Variants in PON2 observed in about 807,000 individuals in gnomAD.
The protein encoded by PON2 is serum paraoxonase/arylesterase 2.
Under a neutral mutation model 36.6 loss-of-function variants are expected in PON2, and 27 were observed. That is an observed-to-expected ratio of 0.74 (90% CI 0.54 to 1.02). The LOEUF (loss-of-function observed/expected upper bound fraction) is 1.02, where lower values mean the gene tolerates loss of function less well. Among genes scored for constraint, PON2 ranks in the 50% least tolerant of loss-of-function variants. PON2 has a pLI of 0.00. For synonymous variants in PON2, 149 were observed against 156.3 expected (o/e 0.95, Z 0.35); for missense variants, 363 against 421.1 (o/e 0.86, Z 1.21).
chr7:95,432,419 A>G (rs1310896434), intron 1 of PON2, among the ~76,000 whole-genome samples: 1 of 152,218 alleles, frequency 6.6e-6, no homozygotes, highest in East Asian at 1.9e-4. Context: ...AAAATAAAAA[A>G]CAAAGAAAAA....
At chr7:95,418,949 C>T (rs1156754403) in intron 2 of PON2, among the ~76,000 whole-genome samples, 1 of 152,168 alleles carries the variant, frequency 6.6e-6, no homozygotes, top group Non-Finnish European at 1.5e-5. Flanking sequence ...TCTTGTTTCC[C>T]TTGCAGTCCT....
intron 2 of PON2, among the ~76,000 whole-genome samples, chr7:95,417,221 T>C (rs1417708264): frequency 6.6e-6 from 1 of 152,236 alleles, no homozygotes; most frequent in Non-Finnish European, 1.5e-5. Context: ...TCCAGCCATT[T>C]TGGTCTTGCT....
intron 6 of PON2, among the ~76,000 whole-genome samples, chr7:95,409,025 T>C (rs912834763): frequency 6.6e-6 from 1 of 152,070 alleles, no homozygotes. Context: ...TATAATACTC[T>C]CTTAGAGCCA....
intron 6 of PON2, among the ~76,000 whole-genome samples, chr7:95,408,046 A>G (rs1364975195): frequency 1.3e-5 from 2 of 152,210 alleles, no homozygotes; most frequent in Non-Finnish European, 2.9e-5. Context: ...CCTGTTAAAC[A>G]AAGTCCAACC....
intron 1 of PON2, among the ~76,000 whole-genome samples, chr7:95,427,820 A>G (rs1186786827): frequency 1.3e-5 from 2 of 152,238 alleles, no homozygotes; most frequent in Non-Finnish European, 2.9e-5. Flanking sequence ...TGTATTTAAG[A>G]AATACATATA....
At chr7:95,434,506 T>A (rs148049939) in intron 1 of PON2, among the ~76,000 whole-genome samples, 1 of 152,362 alleles carries the variant, frequency 6.6e-6, no homozygotes, top group African/African-American at 2.4e-5. Context: ...TAAATCTTCA[T>A]AGTTAAGGTT....
chr7:95,425,937 A>G (rs1383542818), intron 1 of PON2, among the ~76,000 whole-genome samples: 1 of 152,178 alleles, frequency 6.6e-6, no homozygotes, highest in Non-Finnish European at 1.5e-5. Flanking sequence ...AAGGCATTAA[A>G]AAATACAATA....
chr7:95,428,989 A>G (rs1472076409), intron 1 of PON2, among the ~76,000 whole-genome samples: 7 of 152,164 alleles, frequency 4.6e-5, no homozygotes, highest in Admixed American at 4.6e-4. Flanking sequence ...TCAGGTAAAT[A>G]GTAGAGCTAT....
At chr7:95,433,467 A>G (rs536937268) in intron 1 of PON2, among the ~76,000 whole-genome samples, 1 of 152,266 alleles carries the variant, frequency 6.6e-6, no homozygotes, top group African/African-American at 2.4e-5. Flanking sequence ...ATTCTAATGT[A>G]CAGAGAACCA....
At chr7:95,407,759 T>TAC (rs17876158) in intron 6 of PON2, among the ~76,000 whole-genome samples, 40,621 of 151,930 alleles carry the variant, frequency 0.27, 5,833 homozygotes, top group South Asian at 0.36. Context: ...CACTGGTTTG[T>TAC]ACACATTAAA....
chr7:95,433,481 C>T (rs730364), intron 1 of PON2, among the ~76,000 whole-genome samples: 9,064 of 152,176 alleles, frequency 0.06, 378 homozygotes, highest in East Asian at 0.19. Context: ...AGAACCATTG[C>T]TCTCCTCCAA....
At chr7:95,432,895 G>A (rs1052553339) in intron 1 of PON2, among the ~76,000 whole-genome samples, 11 of 152,244 alleles carry the variant, frequency 7.2e-5, no homozygotes, top group Non-Finnish European at 1.5e-4. Context: ...ACAAACTCTG[G>A]TAGCACCTTT....
At chr7:95,422,572 C>A (rs756224239) in intron 2 of PON2, among the ~76,000 whole-genome samples, 1 of 152,118 alleles carries the variant, frequency 6.6e-6, no homozygotes, top group South Asian at 2.1e-4. Context: ...AAATATTATG[C>A]ATAATTTGAC....
chr7:95,412,817 T>C (rs1193950584), intron 3 of PON2: 3 of 364,458 alleles, frequency 8.2e-6, no homozygotes, highest in Middle Eastern at 8.9e-4. Flanking sequence ...TCCCAGTGCC[T>C]GGAACAGTGC....
chr7:95,409,727 T>A (rs939406457), intron 6 of PON2, 174 bp downstream of exon 6: 4 of 206,150 alleles, frequency 1.9e-5, no homozygotes, highest in Admixed American at 1.2e-4. Flanking sequence ...TAAGTATATG[T>A]AAATATATAT....
chr7:95,417,692 C>CATACACATGTACACACAG (rs1789098046), intron 2 of PON2, among the ~76,000 whole-genome samples: 3 of 116,236 alleles, frequency 2.6e-5, no homozygotes, highest in South Asian at 2.9e-4. Flanking sequence ...TACACACAGA[C>CATACACATGTACACACAG]ACACACACAC....
At chr7:95,417,926 T>C (rs1212273754) in intron 2 of PON2, among the ~76,000 whole-genome samples, 2 of 152,212 alleles carry the variant, frequency 1.3e-5, no homozygotes, top group African/African-American at 4.8e-5. Flanking sequence ...CTTTATACTT[T>C]GTTTAAAATT....
At chr7:95,433,951 C>G (rs997156113) in intron 1 of PON2, among the ~76,000 whole-genome samples, 2 of 152,226 alleles carry the variant, frequency 1.3e-5, no homozygotes, top group Non-Finnish European at 2.9e-5. Flanking sequence ...ATTCTCTCTT[C>G]CCCTGTATCA....
chr7:95,406,637 T>C (rs983165382), intron 7 of PON2, among the ~76,000 whole-genome samples: 23 of 152,210 alleles, frequency 1.5e-4, no homozygotes, highest in African/African-American at 5.3e-4. Flanking sequence ...TCTACCTTCA[T>C]GTATTATTGA....
Sources: gnomAD v4.1 joint callset for allele counts (sites outside exome capture counted in the v4.1 genomes callset) on GRCh38, gnomAD v4.1.1 for gene constraint, MANE v1.5 for transcripts, NCBI Gene and HGNC (gene_info 2026-07-23, HGNC 2026-07-21) for gene names.